Variants in LMAN2 observed in about 807,000 individuals in gnomAD.
The protein encoded by LMAN2 is lectin, mannose binding 2, also known as vesicular integral-membrane protein VIP36.
Under a neutral mutation model 39.3 loss-of-function variants are expected in LMAN2, and 22 were observed. The ratio of observed to expected loss-of-function variants is 0.56; its 90% confidence interval spans 0.40 to 0.80. LMAN2 has a LOEUF of 0.80. Ranked by LOEUF, LMAN2 falls within the 30% of genes least tolerant of loss-of-function variation. The pLI, the probability that LMAN2 is intolerant of heterozygous loss-of-function variation, is 0.00. For synonymous variants in LMAN2, 207 were observed against 207.8 expected, an observed-to-expected ratio of 1.00 and a Z score of 0.03; for missense variants, 494 against 505.4, an observed-to-expected ratio of 0.98 and a Z score of 0.22.
chr5:177,349,274 G>A (rs1485375245), intron 2 of LMAN2, among the ~76,000 whole-genome samples: 2 of 152,180 alleles, frequency 1.3e-5, no homozygotes, highest in Non-Finnish European at 2.9e-5. Flanking sequence ...GGTGTTCAGG[G>A]AATGTTCGCC....
chr5:177,336,849 A>G (rs1313598729), intron 6 of LMAN2: 1 of 491,622 alleles, frequency 2.0e-6, no homozygotes, highest in Non-Finnish European at 3.6e-6. Flanking sequence ...GGCCATTTAC[A>G]GAAGAAAGGA....
In LMAN2 at chr5:177,351,273, A is replaced by G; in HGVS notation, c.215T>C (p.Met72Thr). The G allele has an allele frequency of 6.2e-7, 1 of 1,614,058 alleles. No individual in the cohort carries two copies. Among genetic ancestry groups the G allele is most frequent in the Non-Finnish European group, 8.5e-7 (1 of 1,180,034 alleles). ...GCTGCCCTGGAAGTCCCAGAGGGGC[A>G]TAGAGCTGGAACCGACCCCTGTGGG... is the stretch of plus-strand genomic sequence containing the variant. The part of the protein sequence containing the change: ...KPYQGVGSSS[M>T]PLWDFQGSTM... Residue 72 changes from methionine to threonine, a missense_variant, in exon 2 of 8, where the codon ATG becomes ACG. Physicochemically the swap from Met to Thr is moderately conservative, Grantham distance 81. Transcript: ENST00000303127.
intron 2 of LMAN2, among the ~76,000 whole-genome samples, chr5:177,339,874 T>C (rs973489518): frequency 6.6e-6 from 1 of 152,170 alleles, no homozygotes. Flanking sequence ...ATATGCTTCA[T>C]GCATTCATTG....
rs150097103 is a variant in LMAN2 at position 177,343,323 on chromosome 5, T to C, written c.316-4718A>G. On this transcript the variant is annotated intron_variant, in intron 2 of 7. Coordinates refer to ENST00000303127, the MANE Select transcript of LMAN2 (RefSeq NM_006816.3). Reference sequence around the variant, plus strand: ...AATTGGAATCCTTGTGCATTGCTGGTGGGAATATAAAATGGTGCAGTTGCT... The same window carrying C: ...AATTGGAATCCTTGTGCATTGCTGGCGGGAATATAAAATGGTGCAGTTGCT... Among the ~76,000 whole-genome samples, 309 of 152,236 alleles carry C rather than the reference T, an allele frequency of 2.0e-3. 1 individual carries two copies. The highest frequency in any genetic ancestry group is 7.0e-3 in the African/African-American group (291 of 41,530).
intron 2 of LMAN2, among the ~76,000 whole-genome samples, chr5:177,345,339 TAAAAAAAA>T (rs10639580): frequency 3.8e-5 from 2 of 52,414 alleles, no homozygotes; most frequent in African/African-American, 6.6e-5. Flanking sequence ...AGACCCTGTC[TAAAAAAAA>T]AAAAAAAAAA....
intron 6 of LMAN2, among the ~76,000 whole-genome samples, chr5:177,335,853 C>T (rs766673028): frequency 4.6e-5 from 7 of 152,168 alleles, no homozygotes; most frequent in Non-Finnish European, 7.4e-5. Flanking sequence ...CCCCGTGTCA[C>T]GTGCCAGTTC....
intron 2 of LMAN2, among the ~76,000 whole-genome samples, chr5:177,343,564 GACACACAC>G (rs368470169): frequency 2.4e-5 from 2 of 84,640 alleles, no homozygotes; most frequent in Non-Finnish European, 4.7e-5. Context: ...ATGTGGTCTA[GACACACAC>G]ACACACACAC....
chr5:177,340,682 A>G lies in LMAN2; in HGVS notation c.316-2077T>C, dbSNP rs1040045554. ...CTACTTGGGAGGCTGAGGCGGGAGA[A>G]CTGCTTGAATCTGGGAGGTGGAGGT... On this transcript the variant is annotated intron_variant, in intron 2 of 7. Coordinates refer to ENST00000303127, the MANE Select transcript of LMAN2 (RefSeq NM_006816.3). 3.7e-4 allele frequency among the ~76,000 whole-genome samples: 57 copies of G among 152,086 alleles called. 1 individual carries two copies. Among genetic ancestry groups the G allele is most frequent in the African/African-American group, 1.4e-3 (57 of 41,552 alleles).
intron 2 of LMAN2, among the ~76,000 whole-genome samples, chr5:177,342,230 G>A (rs10052453): frequency 0.013 from 1,923 of 152,276 alleles, 37 homozygotes; most frequent in African/African-American, 0.044. Flanking sequence ...AAGAGGCCAG[G>A]TGCAGTAGCT....
intron 2 of LMAN2, among the ~76,000 whole-genome samples, chr5:177,348,883 CAAAAAAAA>C (rs11314255): frequency 1.2e-5 from 1 of 83,314 alleles, no homozygotes; most frequent in African/African-American, 4.3e-5. Flanking sequence ...GACTCCGTCT[CAAAAAAAA>C]AAAAAAAAAA....
chr5:177,348,569 TCC>T (rs1328601804), intron 2 of LMAN2, among the ~76,000 whole-genome samples: 1 of 151,218 alleles, frequency 6.6e-6, no homozygotes, highest in Non-Finnish European at 1.5e-5. Flanking sequence ...GCGCCTGTAA[TCC>T]CAGCTACTGG....
intron 2 of LMAN2, among the ~76,000 whole-genome samples, chr5:177,350,622 G>A (rs907340644): frequency 6.6e-6 from 1 of 152,160 alleles, no homozygotes; most frequent in Non-Finnish European, 1.5e-5. Flanking sequence ...TGAACTGCTG[G>A]GCTTAGAGAT....
At chr5:177,351,419 A>C in intron 1 of LMAN2, 33 bp downstream of exon 1, 1 of 1,607,066 alleles carries the variant, frequency 6.2e-7, no homozygotes, top group Non-Finnish European at 8.5e-7. Flanking sequence ...CCTCGCCCTC[A>C]CTCTTCACTC....
Position 177,335,327 on chromosome 5 carries a change from A to G in LMAN2, c.791-924T>C, listed in dbSNP as rs141812341. Among the ~76,000 whole-genome samples the G allele has an allele frequency of 2.8e-3, 423 of 152,280 alleles. 1 individual carries two copies. Among genetic ancestry groups the G allele is most frequent in the African/African-American group, 9.5e-3 (394 of 41,560 alleles). ...CTCGTATCTTAGGAAAAATCCTTTC[A>G]GTTTTCAAACTCCCAATGGTTGAGT... On this transcript the variant is annotated intron_variant, in intron 6 of 7. Transcript: ENST00000303127.
chr5:177,339,142 G>T (rs1761517025), intron 2 of LMAN2, among the ~76,000 whole-genome samples: 1 of 152,150 alleles, frequency 6.6e-6, no homozygotes, highest in Admixed American at 6.6e-5. Context: ...TCACATGCAG[G>T]GTTTTCTGAC....
chr5:177,348,628 C>G (rs1001541282), intron 2 of LMAN2, among the ~76,000 whole-genome samples: 4 of 137,276 alleles, frequency 2.9e-5, no homozygotes, highest in African/African-American at 1.1e-4. Flanking sequence ...GTGGAGGTTG[C>G]AGTGAGCTGA....
intron 2 of LMAN2, among the ~76,000 whole-genome samples, chr5:177,343,758 G>A (rs1466206752): frequency 6.6e-6 from 1 of 152,180 alleles, no homozygotes; most frequent in African/African-American, 2.4e-5. Flanking sequence ...ACAGAGATGA[G>A]GTAGAATGGT....
chr5:177,345,785 T>A (rs577711829), intron 2 of LMAN2, among the ~76,000 whole-genome samples: 68 of 113,028 alleles, frequency 6.0e-4, no homozygotes, highest in Non-Finnish European at 9.5e-4. Context: ...TTATTTATTT[T>A]TTGAGACAGT....
chr5:177,334,503 A>C, intron 6 of LMAN2, 100 bp from the exon 7 acceptor site: 4 of 1,488,198 alleles, frequency 2.7e-6, no homozygotes, highest in Non-Finnish European at 2.7e-6. Flanking sequence ...CAGCCAGTAA[A>C]CCTGCCAGGC....
Sources: gnomAD v4.1 joint callset for allele counts (sites outside exome capture counted in the v4.1 genomes callset) on GRCh38, gnomAD v4.1.1 for gene constraint, MANE v1.5 for transcripts, NCBI Gene and HGNC (gene_info 2026-07-23, HGNC 2026-07-21) for gene names.